GRIN2B: variants seen among roughly 807,000 people sequenced by gnomAD.
The protein encoded by GRIN2B is glutamate ionotropic receptor NMDA type subunit 2B.
Under a neutral mutation model 114.5 loss-of-function variants are expected in GRIN2B, and 5 were observed. That is an observed-to-expected ratio of 0.04 (90% CI 0.02 to 0.09). The LOEUF is 0.09. Ranked by LOEUF, GRIN2B falls within the 10% of genes least tolerant of loss-of-function variation. The pLI is 1.00. For missense variants in GRIN2B, 1,108 were observed against 1,943.5 expected (o/e 0.57, Z 8.08); for synonymous variants, 787 against 745.1 (o/e 1.06, Z -0.92).
At chr12:13,938,305 A>G (rs1426880508) in intron 2 of GRIN2B, among the ~76,000 whole-genome samples, 2 of 152,102 alleles carry the variant, frequency 1.3e-5, no homozygotes, top group Non-Finnish European at 2.9e-5. Flanking sequence ...AGCAAGACCC[A>G]ACTATATGTT....
chr12:13,591,823 G>T (rs1331961668), intron 10 of GRIN2B, among the ~76,000 whole-genome samples: 1 of 152,152 alleles, frequency 6.6e-6, no homozygotes, highest in Non-Finnish European at 1.5e-5. Flanking sequence ...TCCAACCTAT[G>T]AACACATTGT....
intron 2 of GRIN2B, among the ~76,000 whole-genome samples, chr12:13,872,840 A>G (rs1398782820): frequency 6.6e-6 from 1 of 152,160 alleles, no homozygotes; most frequent in Admixed American, 6.6e-5. Flanking sequence ...AAATTTGAAA[A>G]CTTTATTAAA....
intron 10 of GRIN2B, among the ~76,000 whole-genome samples, chr12:13,583,786 C>A (rs770262074): frequency 6.6e-6 from 1 of 152,056 alleles, no homozygotes; most frequent in Non-Finnish European, 1.5e-5. Flanking sequence ...ATGGCATCTG[C>A]ACTGACGTTG....
intron 5 of GRIN2B, among the ~76,000 whole-genome samples, chr12:13,660,325 G>C (rs1401944736): frequency 6.6e-6 from 1 of 152,082 alleles, no homozygotes; most frequent in Non-Finnish European, 1.5e-5. Flanking sequence ...ATACCTGTGT[G>C]ATTTTCTTAA....
chr12:13,744,546 C>G (rs766588416), intron 4 of GRIN2B, among the ~76,000 whole-genome samples: 1 of 151,900 alleles, frequency 6.6e-6, no homozygotes, highest in African/African-American at 2.4e-5. Flanking sequence ...GATCAATGAA[C>G]AAAACACCCA....
intron 4 of GRIN2B, among the ~76,000 whole-genome samples, chr12:13,680,868 T>C (rs537795026): frequency 6.6e-5 from 10 of 152,084 alleles, no homozygotes; most frequent in Non-Finnish European, 1.2e-4. Context: ...AAATCTATCT[T>C]AGATGATTAA....
chr12:13,935,662 A>G (rs114644535), intron 2 of GRIN2B, among the ~76,000 whole-genome samples: 1,608 of 152,350 alleles, frequency 0.011, 32 homozygotes, highest in African/African-American at 0.036. Flanking sequence ...TGTGGGAATT[A>G]AACTAAATCA....
intron 5 of GRIN2B, chr12:13,670,216 G>C (rs531041372): frequency 1.6e-5 from 2 of 125,990 alleles, no homozygotes; most frequent in South Asian, 5.1e-4. Flanking sequence ...ATGGAAACAG[G>C]TTTGGGGAGT....
At chr12:13,769,605 A>T (rs148102340) in intron 3 of GRIN2B, among the ~76,000 whole-genome samples, 71 of 152,354 alleles carry the variant, frequency 4.7e-4, no homozygotes, top group South Asian at 1.0e-3. Flanking sequence ...TTGGCGATAA[A>T]GTCAAATCAT....
In GRIN2B at chr12:13,857,372, TACACACACACAC is replaced by T. The variant is rs142914230; in HGVS notation, c.411+8414_411+8425del. Among the ~76,000 whole-genome samples, 131 of 147,674 alleles carry T rather than the reference TACACACACACAC, an allele frequency of 8.9e-4. 2 individuals carry two copies. In the East Asian group the frequency reaches 0.02, roughly 23 times the overall value. ...TCAGTGCCTGTGGCGCACGCGTGCA[TACACACACACAC>T]ACACACACACACACACTCTCACACA... is the stretch of plus-strand genomic sequence containing the variant. On this transcript the variant is annotated intron_variant, in intron 3 of 13. Coordinates refer to ENST00000609686, the MANE Select transcript of GRIN2B (RefSeq NM_000834.5).
intron 2 of GRIN2B, among the ~76,000 whole-genome samples, chr12:13,884,465 A>T (rs10845855): frequency 0.4 from 60,197 of 151,898 alleles, 13,228 homozygotes; most frequent in East Asian, 0.64. Context: ...TTGTATGACC[A>T]TGTATCCTGT....
chr12:13,683,341 C>A (rs1051720901), intron 4 of GRIN2B, among the ~76,000 whole-genome samples: 4 of 151,884 alleles, frequency 2.6e-5, no homozygotes, highest in Admixed American at 2.6e-4. Flanking sequence ...GGCAGTGTAG[C>A]GAGGTGTTTA....
chr12:13,613,140 T>C (rs1374567162), intron 8 of GRIN2B, among the ~76,000 whole-genome samples: 1 of 152,146 alleles, frequency 6.6e-6, no homozygotes, highest in African/African-American at 2.4e-5. Flanking sequence ...AGAGGTACAA[T>C]TCAAAGGCTC....
At chr12:13,791,457 AAAAAAT>A (rs1318872780) in intron 3 of GRIN2B, among the ~76,000 whole-genome samples, 12 of 128,552 alleles carry the variant, frequency 9.3e-5, no homozygotes, top group African/African-American at 3.3e-4. Flanking sequence ...GTCTCAAAAA[AAAAAAT>A]AAAAAAAAAA....
intron 2 of GRIN2B, among the ~76,000 whole-genome samples, chr12:13,953,464 C>T (rs902895010): frequency 6.6e-5 from 10 of 152,194 alleles, no homozygotes; most frequent in Admixed American, 5.2e-4. Flanking sequence ...ACTCTGAGAT[C>T]TGTCCCCCAT....
Position 13,834,197 on chromosome 12 carries a change from A to ATTTTTTTTTTTTTTTTTTTTT in GRIN2B, c.411+31580_411+31600dup, listed in dbSNP as rs756189402. ...AGGTGCCCACCACCACGCCTGGCTA[A>ATTTTTTTTTTTTTTTTTTTTT]TTTTTTTTTTTTTTTTTTTTTAGTA... is the stretch of plus-strand genomic sequence containing the variant. On this transcript the variant is annotated intron_variant, in intron 3 of 13. Transcript: ENST00000609686. Among the ~76,000 whole-genome samples the ATTTTTTTTTTTTTTTTTTTTT allele has an allele frequency of 9.2e-4, 103 of 111,464 alleles. 1 individual carries two copies. Among genetic ancestry groups the ATTTTTTTTTTTTTTTTTTTTT allele is most frequent in the African/African-American group, 1.3e-3 (37 of 27,530 alleles). The allele number at this position is 111,464 out of a possible 152,430, so 73.1% of individuals were successfully genotyped here.
At position 13,753,499 on chromosome 12, in the gene GRIN2B, C is replaced by T; in HGVS notation, c.828G>A (p.Gly276=). Residue 276 remains glycine (G), a synonymous_variant, in exon 4 of 14, where the codon GGG becomes GGA. Transcript: ENST00000609686. The surrounding 1 kb of genome is among the most constrained non-coding windows in gnomAD (Gnocchi z 6.2). ...TDTVPAEFPT[G]LISVSYDEWD... ...ATTCATCATATGATACAGAGATGAG[C>T]CCAGTGGGGAACTCCGCAGGCACTG... The T allele has an allele frequency of 6.2e-7, 1 of 1,614,166 alleles. No individual in the cohort carries two copies. Among genetic ancestry groups the T allele is most frequent in the Non-Finnish European group, 8.5e-7 (1 of 1,180,014 alleles).
At chr12:13,619,874 A>C (rs796076295) in intron 5 of GRIN2B, among the ~76,000 whole-genome samples, 15 of 152,220 alleles carry the variant, frequency 9.9e-5, no homozygotes, top group African/African-American at 3.6e-4. Flanking sequence ...ACTCCTACCC[A>C]CCACTCTGCA....
At chr12:13,941,047 G>T (rs219906) in intron 2 of GRIN2B, among the ~76,000 whole-genome samples, 1 of 146,512 alleles carries the variant, frequency 6.8e-6, no homozygotes, top group African/African-American at 2.6e-5. Context: ...CTTCCCCAGG[G>T]AAAGCAGACA....
Sources: allele counts gnomAD v4.1 joint callset (sites outside exome capture counted in the v4.1 genomes callset), GRCh38; gene constraint gnomAD v4.1.1; non-coding constraint Gnocchi (gnomAD v3.1); transcripts MANE v1.5; gene names NCBI Gene and HGNC (gene_info 2026-07-23, HGNC 2026-07-21).